NFE2L3: variants seen among roughly 807,000 people sequenced by gnomAD.
NFE2L3 encodes NFE2 like bZIP transcription factor 3, also known as nuclear factor erythroid 2-related factor 3.
In NFE2L3, 18 loss-of-function variants were observed where a neutral mutation model predicts 23.5. The observed-to-expected ratio is 0.77, with a 90% CI of 0.53 to 1.13. NFE2L3 has a LOEUF of 1.13. Ranked by LOEUF, NFE2L3 falls within the 50% of genes most tolerant of loss-of-function variation. The pLI is 0.00. For missense variants in NFE2L3, 1,152 were observed against 877.2 expected, an observed-to-expected ratio of 1.31 and a Z score of -3.96; for synonymous variants, 424 against 354.5, an observed-to-expected ratio of 1.20 and a Z score of -2.20.
At chr7:26,162,447 C>G (rs1177262540) in intron 1 of NFE2L3, among the ~76,000 whole-genome samples, 2 of 151,972 alleles carry the variant, frequency 1.3e-5, no homozygotes, top group Non-Finnish European at 2.9e-5. Flanking sequence ...TACAGTGATT[C>G]TGTATTCTGT....
chr7:26,184,919 T>C lies in NFE2L3; in HGVS notation c.1221T>C (p.Asp407=), dbSNP rs772224211. 1.5e-5 allele frequency: 25 copies of C among 1,613,858 alleles called. No homozygotes were observed. Among genetic ancestry groups the C allele is most frequent in the Non-Finnish European group, 2.1e-5 (25 of 1,179,860 alleles). Reference sequence around the variant, plus strand: ...CAGAAGACAACTTTGATCCAATCGATGTTTCTCAGCTTTTTGATGAACCAG... The same window carrying C: ...CAGAAGACAACTTTGATCCAATCGACGTTTCTCAGCTTTTTGATGAACCAG... The part of the protein sequence containing the change: ...LATEDNFDPI[D]VSQLFDEPDS... Residue 407 remains aspartate, a synonymous_variant, in exon 4 of 4, where the codon GAT becomes GAC. Coordinates refer to ENST00000056233, the MANE Select transcript of NFE2L3 (RefSeq NM_004289.7).
At chr7:26,167,727 AAAAG>A (rs1394840284) in intron 1 of NFE2L3, among the ~76,000 whole-genome samples, 3 of 152,192 alleles carry the variant, frequency 2.0e-5, no homozygotes, top group Non-Finnish European at 2.9e-5. Context: ...GAAAAACAGA[AAAAG>A]AAAGCAGAGA....
At chr7:26,158,117 C>T (rs1413812656) in intron 1 of NFE2L3, among the ~76,000 whole-genome samples, 4 of 152,068 alleles carry the variant, frequency 2.6e-5, no homozygotes, top group South Asian at 2.1e-4. Flanking sequence ...GGCGCAATCT[C>T]GGCTCACTGC....
chr7:26,185,571 G>A lies in NFE2L3; in HGVS notation c.1873G>A (p.Ala625Thr), dbSNP rs770713206. The A allele has an allele frequency of 9.3e-6, 15 of 1,613,642 alleles. No individual in the cohort carries two copies. The Admixed American group carries it at 1.2e-4, about 13-fold the overall frequency. Residue 625 changes from alanine to threonine, a missense_variant, in exon 4 of 4, where the codon GCA becomes ACA. Physicochemically the swap from Ala to Thr is moderately conservative, Grantham distance 58. Transcript: ENST00000056233. ...GAAGGAAACTCTTAAGAGAGAGCAA[G>A]CACAATGTAACAAAGCTATTAACAT... ...AKKETLKREQ[A>T]QCNKAINIMK...
intron 2 of NFE2L3, among the ~76,000 whole-genome samples, chr7:26,182,820 C>T (rs993209707): frequency 9.2e-5 from 14 of 152,218 alleles, no homozygotes; most frequent in African/African-American, 2.2e-4. Flanking sequence ...TTTTTTGAGA[C>T]GAGATCTCAT....
Position 26,152,461 on chromosome 7 carries a change from C to G in NFE2L3, c.-38C>G. ...CCGGCGGCTGGGGCGCCGGGACCCG[C>G]GGGCGCCGGCAGGGGCGTTCCCGGG... On this transcript the variant is annotated 5_prime_UTR_variant, in exon 1 of 4. Coordinates refer to ENST00000056233, the MANE Select transcript of NFE2L3 (RefSeq NM_004289.7). The surrounding 1 kb of genome is among the most constrained non-coding windows in gnomAD (Gnocchi z 4.4). 1.6e-6 allele frequency: 2 copies of G among 1,234,264 alleles called. No individual in the cohort carries two copies. The highest frequency in any genetic ancestry group is 2.0e-6 in the Non-Finnish European group (2 of 988,516). 76.5% of individuals were successfully genotyped at this position (1,234,264 alleles called of 1,614,324 possible).
Position 26,184,830 on chromosome 7 carries a change from C to G in NFE2L3, c.1132C>G (p.Gln378Glu), listed in dbSNP as rs1388033710. ...CAATCATATGAGGAATCTAACAAGC[C>G]AAGACCTACTGTATGACCTTGACAT... ...VDNHMRNLTS[Q>E]DLLYDLDINI... The change falls in exon 4 of 4, where the codon CAA becomes GAA. Residue 378 changes from glutamine to glutamate, a missense_variant. Physicochemically the swap from Gln to Glu is conservative, Grantham distance 29. Transcript: ENST00000056233. The G allele has an allele frequency of 1.2e-6, 2 of 1,613,920 alleles. No homozygotes were observed. Among genetic ancestry groups the G allele is most frequent in the Admixed American group, 3.3e-5 (2 of 60,016 alleles).
intron 1 of NFE2L3, among the ~76,000 whole-genome samples, chr7:26,172,152 G>A (rs940952642): frequency 6.6e-6 from 1 of 152,242 alleles, no homozygotes; most frequent in African/African-American, 2.4e-5. Flanking sequence ...ATATGTCTAT[G>A]CCCTTGGGGG....
Position 26,177,996 on chromosome 7 carries a change from T to A in NFE2L3, c.624T>A (p.His208Gln). ...AAGCTGTGGATCATAGTTCCCAGCA[T>A]GAGGAAAATGAAGAAAGGGTGTCAG... ...KHEAVDHSSQ[H>Q]EENEERVSAQ... The change falls in exon 2 of 4, where the codon CAT (histidine) becomes CAA (glutamine). Residue 208 changes from histidine (H) to glutamine (Q), a missense_variant. His to Gln is a conservative substitution (Grantham distance 24, BLOSUM62 0). Coordinates refer to ENST00000056233, the MANE Select transcript of NFE2L3 (RefSeq NM_004289.7). 1 of 1,614,040 alleles carries A rather than the reference T, an allele frequency of 6.2e-7. No homozygotes were observed. Among genetic ancestry groups the A allele is most frequent in the Non-Finnish European group, 8.5e-7 (1 of 1,179,978 alleles).
At chr7:26,182,483 G>A (rs910503568) in intron 2 of NFE2L3, among the ~76,000 whole-genome samples, 1 of 152,024 alleles carries the variant, frequency 6.6e-6, no homozygotes, top group Admixed American at 6.5e-5. Context: ...AATTGGCCAG[G>A]CGCAGTGACA....
intron 1 of NFE2L3, among the ~76,000 whole-genome samples, chr7:26,167,455 G>A (rs777702031): frequency 6.6e-6 from 1 of 152,074 alleles, no homozygotes; most frequent in African/African-American, 2.4e-5. Context: ...CAAGTCAGTA[G>A]GTGTTTAGTT....
intron 1 of NFE2L3, among the ~76,000 whole-genome samples, chr7:26,155,352 G>T (rs1208419310): frequency 6.6e-6 from 1 of 152,166 alleles, no homozygotes; most frequent in African/African-American, 2.4e-5. Context: ...TGAGGCACGA[G>T]AATCACTTGA....
At position 26,183,685 on chromosome 7, in the gene NFE2L3, TTG is replaced by T. The variant is rs1037388479; in HGVS notation, c.751-12_751-11del. ...GTCTTTTATGTGAAAGATGCACTTT[TTG>T]TGTTTCTCTACAGAGACATCTGAAT... On this transcript the variant is annotated splice_polypyrimidine_tract_variant and intron_variant, in intron 2 of 3. Transcript: ENST00000056233. 6.4e-6 allele frequency: 10 copies of T among 1,551,796 alleles called. No homozygotes were observed. Among genetic ancestry groups the T allele is most frequent in the African/African-American group, 4.1e-5 (3 of 73,680 alleles).
In NFE2L3 at chr7:26,160,247, G is replaced by A. The variant is rs116652797; in HGVS notation, c.570+7179G>A. Reference sequence around the variant, plus strand: ...GCTGGGATTACAGGTGTGAGCCACCGCACCCGGCTGGATCTATGTTAATAT... The same window carrying A: ...GCTGGGATTACAGGTGTGAGCCACCACACCCGGCTGGATCTATGTTAATAT... On this transcript the variant is annotated intron_variant, in intron 1 of 3. Transcript: ENST00000056233. Among the ~76,000 whole-genome samples the A allele has an allele frequency of 7.1e-3, 1,085 of 152,212 alleles. 14 individuals are homozygous for A. Among genetic ancestry groups the A allele is most frequent in the African/African-American group, 0.025 (1,037 of 41,524 alleles).
At chr7:26,172,211 C>T (rs1201442276) in intron 1 of NFE2L3, among the ~76,000 whole-genome samples, 1 of 152,130 alleles carries the variant, frequency 6.6e-6, no homozygotes, top group Admixed American at 6.5e-5. Flanking sequence ...CTGGGCTAAC[C>T]CTTTGCTGTT....
In NFE2L3 at chr7:26,152,867, G is replaced by C. The variant is rs1784019261; in HGVS notation, c.369G>C (p.Glu123Asp). The C allele has an allele frequency of 1.2e-5, 18 of 1,464,468 alleles. No individual in the cohort carries two copies. Among genetic ancestry groups the C allele is most frequent in the Non-Finnish European group, 1.6e-5 (18 of 1,116,484 alleles). 90.7% of individuals were successfully genotyped at this position (1,464,468 alleles called of 1,614,324 possible). A position where few individuals can be genotyped will look rare whatever the true frequency, so the allele number is the denominator to read the frequency against. Residue 123 changes from glutamate to aspartate, a missense_variant, in exon 1 of 4, where the codon GAG becomes GAC. Transcript: ENST00000056233. The surrounding 1 kb of genome is among the most constrained non-coding windows in gnomAD (Gnocchi z 4.4). ...GCGTGGCTGCCGGGAGCGCGGACGA[G>C]GCCCACGGGCTGCTCGGCGCCGCCG... ...VHSVAAGSAD[E>D]AHGLLGAAAA...
intron 1 of NFE2L3, among the ~76,000 whole-genome samples, chr7:26,153,429 G>T (rs928041569): frequency 1.3e-5 from 2 of 152,162 alleles, no homozygotes; most frequent in African/African-American, 2.4e-5. Context: ...TGGGACCCGT[G>T]CCCGACCTGG....
intron 1 of NFE2L3, 31 bp downstream of exon 1, chr7:26,153,099 C>T: frequency 6.7e-7 from 1 of 1,500,510 alleles, no homozygotes; most frequent in Non-Finnish European, 8.8e-7. Flanking sequence ...GAGCGAAGTG[C>T]GGCGTCTACG....
Position 26,185,925 on chromosome 7 carries a change from G to T in NFE2L3, c.*142G>T. The T allele has an allele frequency of 1.4e-6, 1 of 724,208 alleles. No individual in the cohort carries two copies. 44.9% of individuals were successfully genotyped at this position (724,208 alleles called of 1,614,324 possible). ...ATAACTCAGTTAACGCTGTTTTGAA[G>T]CTTACATGGACAAATGTTTAGGACT... On this transcript the variant is annotated 3_prime_UTR_variant, in exon 4 of 4. Transcript: ENST00000056233.
Sources: gnomAD v4.1 joint callset for allele counts (sites outside exome capture counted in the v4.1 genomes callset) on GRCh38, gnomAD v4.1.1 for gene constraint, Gnocchi (gnomAD v3.1) non-coding constraint, MANE v1.5 for transcripts, NCBI Gene and HGNC (gene_info 2026-07-23, HGNC 2026-07-21) for gene names.